The following DIAPH3 variants were observed in gnomAD, a reference collection of about 807,000 sequenced individuals.
DIAPH3 encodes the protein diaphanous related formin 3, also known as protein diaphanous homolog 3.
A neutral mutation model predicts 144.3 loss-of-function variants in DIAPH3; 117 were observed. That is an observed-to-expected ratio of 0.81 (90% CI 0.70 to 0.95). The LOEUF is 0.95. Ranked by LOEUF, DIAPH3 falls within the 40% of genes least tolerant of loss-of-function variation. The pLI is 0.00. For missense variants in DIAPH3, 1,421 were observed against 1,412.7 expected, an observed-to-expected ratio of 1.01 and a Z score of -0.09; for synonymous variants, 519 against 488.9, an observed-to-expected ratio of 1.06 and a Z score of -0.81.
intron 24 of DIAPH3, among the ~76,000 whole-genome samples, chr13:59,822,427 A>AACTT (rs1555307162): frequency 6.6e-6 from 1 of 151,794 alleles, no homozygotes; most frequent in Non-Finnish European, 1.5e-5. Flanking sequence ...ATATGAACCT[A>AACTT]ATTTATTTAT....
intron 27 of DIAPH3, among the ~76,000 whole-genome samples, chr13:59,670,634 G>A (rs1017989318): frequency 1.7e-4 from 25 of 150,264 alleles, no homozygotes; most frequent in Admixed American, 1.5e-3. Flanking sequence ...CCAGGCTGGA[G>A]TGCAGTGGCG....
At chr13:60,046,296 T>C (rs959333239) in intron 4 of DIAPH3, among the ~76,000 whole-genome samples, 2 of 152,190 alleles carry the variant, frequency 1.3e-5, no homozygotes, top group African/African-American at 4.8e-5. Context: ...AATCATAAAA[T>C]GCTCAATTAC....
chr13:59,974,320 A>G, intron 15 of DIAPH3, 32 bp downstream of exon 15: 8 of 1,541,264 alleles, frequency 5.2e-6, no homozygotes, highest in Non-Finnish European at 7.2e-6. Context: ...CTGTGTTTTT[A>G]ATACCCAAAT....
chr13:60,145,235 C>G (rs1951448404), intron 1 of DIAPH3, among the ~76,000 whole-genome samples: 1 of 152,206 alleles, frequency 6.6e-6, no homozygotes, highest in African/African-American at 2.4e-5. Flanking sequence ...GGACAGCCAG[C>G]TGCTGAAGCA....
chr13:60,054,692 G>A (rs577110307), intron 4 of DIAPH3, among the ~76,000 whole-genome samples: 3 of 152,048 alleles, frequency 2.0e-5, no homozygotes, highest in Middle Eastern at 3.4e-3. Flanking sequence ...TACAAAACAA[G>A]GGTAAGCACA....
chr13:60,100,162 G>A (rs1030759191), intron 3 of DIAPH3, among the ~76,000 whole-genome samples: 9 of 152,168 alleles, frequency 5.9e-5, no homozygotes, highest in African/African-American at 2.2e-4. Context: ...TACAAGGGAA[G>A]AAGCTGGCAG....
At chr13:59,755,390 G>A (rs1198223657) in intron 27 of DIAPH3, among the ~76,000 whole-genome samples, 1 of 152,128 alleles carries the variant, frequency 6.6e-6, no homozygotes, top group African/African-American at 2.4e-5. Context: ...ACTTGCAGAT[G>A]ATACTTAGTT....
chr13:59,714,155 T>A (rs2034903447), intron 27 of DIAPH3, among the ~76,000 whole-genome samples: 1 of 151,638 alleles, frequency 6.6e-6, no homozygotes, highest in East Asian at 1.9e-4. Context: ...GGTCAGGAGA[T>A]CGAGACCATC....
At chr13:59,962,354 C>A (rs559432993) in intron 17 of DIAPH3, among the ~76,000 whole-genome samples, 33 of 152,182 alleles carry the variant, frequency 2.2e-4, no homozygotes, top group Non-Finnish European at 4.1e-4. Context: ...CATTAAACAG[C>A]AGTTTATGAA....
chr13:59,684,985 C>T (rs926037203), intron 27 of DIAPH3, among the ~76,000 whole-genome samples: 1 of 152,088 alleles, frequency 6.6e-6, no homozygotes, highest in African/African-American at 2.4e-5. Flanking sequence ...AGCTGTAATA[C>T]ATATGAATTA....
At position 59,684,288 on chromosome 13, in the gene DIAPH3, C is replaced by T. The variant is rs868148851; in HGVS notation, c.3320-17442G>A. 4.6e-5 allele frequency among the ~76,000 whole-genome samples: 7 copies of T among 152,260 alleles called. No individual in the cohort carries two copies. The South Asian group carries it at 6.2e-4, about 14-fold the overall frequency. On this transcript the variant is annotated intron_variant, in intron 27 of 27. Transcript: ENST00000400324. ...CAACCTTTATGTTTATCAAGCTGTA[C>T]GCTTATTGATTTGTTTGTTCTATGG...
chr13:59,885,878 C>T (rs2045412857), intron 20 of DIAPH3, among the ~76,000 whole-genome samples: 1 of 151,852 alleles, frequency 6.6e-6, no homozygotes, highest in Admixed American at 6.6e-5. Flanking sequence ...AGAAAGGAAC[C>T]CTACCAATGC....
chr13:59,941,358 A>C (rs952228847), intron 17 of DIAPH3, among the ~76,000 whole-genome samples: 1 of 152,178 alleles, frequency 6.6e-6, no homozygotes, highest in African/African-American at 2.4e-5. Context: ...CAGAAGGACA[A>C]GATCAGAATT....
At chr13:60,041,151 A>G (rs1262114342) in intron 5 of DIAPH3, among the ~76,000 whole-genome samples, 1 of 148,542 alleles carries the variant, frequency 6.7e-6, no homozygotes, top group African/African-American at 2.5e-5. Flanking sequence ...TTAAATGAAC[A>G]TATTCTACAG....
intron 4 of DIAPH3, among the ~76,000 whole-genome samples, chr13:60,075,831 T>C (rs2057358856): frequency 6.6e-6 from 1 of 152,216 alleles, no homozygotes; most frequent in Non-Finnish European, 1.5e-5. Context: ...GCATCACTGT[T>C]ATACTCTGGT....
intron 25 of DIAPH3, among the ~76,000 whole-genome samples, chr13:59,799,908 A>G (rs907128668): frequency 2.0e-5 from 3 of 152,228 alleles, no homozygotes; most frequent in African/African-American, 4.8e-5. Flanking sequence ...ATCATTTAAA[A>G]TGACTATAGT....
At chr13:60,124,084 C>T (rs1000859911) in intron 2 of DIAPH3, among the ~76,000 whole-genome samples, 4 of 152,200 alleles carry the variant, frequency 2.6e-5, no homozygotes, top group Admixed American at 6.5e-5. Context: ...AGGCCGCATT[C>T]ATCTTTGAGT....
At chr13:59,698,160 T>G (rs1426753320) in intron 27 of DIAPH3, among the ~76,000 whole-genome samples, 3 of 152,218 alleles carry the variant, frequency 2.0e-5, no homozygotes. Context: ...ATGATCTGTC[T>G]TCTCTCTCCT....
chr13:60,068,228 G>C (rs2057050371), intron 4 of DIAPH3, among the ~76,000 whole-genome samples: 1 of 152,134 alleles, frequency 6.6e-6, no homozygotes, highest in Admixed American at 6.5e-5. Flanking sequence ...AGAGTTCCAG[G>C]AGTGGATTCT....
Sources: gnomAD v4.1 joint callset for allele counts (sites outside exome capture counted in the v4.1 genomes callset) on GRCh38, gnomAD v4.1.1 for gene constraint, MANE v1.5 for transcripts, NCBI Gene and HGNC (gene_info 2026-07-23, HGNC 2026-07-21) for gene names.